The following PCSK5 variants were observed in gnomAD, a reference collection of about 807,000 sequenced individuals.
The protein encoded by PCSK5 is proprotein convertase subtilisin/kexin type 5.
Under a neutral mutation model 233.2 loss-of-function variants are expected in PCSK5, and 129 were observed. The observed-to-expected ratio is 0.55, with a 90% CI of 0.48 to 0.64. The LOEUF is 0.64. Ranked by LOEUF, PCSK5 falls within the 30% of genes least tolerant of loss-of-function variation. The pLI is 0.00. For synonymous variants in PCSK5, 825 were observed against 879.2 expected, an observed-to-expected ratio of 0.94 and a Z score of 1.09; for missense variants, 2,076 against 2,430.1, an observed-to-expected ratio of 0.85 and a Z score of 3.06.
intron 36 of PCSK5, among the ~76,000 whole-genome samples, chr9:76,352,660 G>C (rs948073574): frequency 6.6e-6 from 1 of 151,994 alleles, no homozygotes. Context: ...GAGCCACTGC[G>C]CCCGGCAAGA....
intron 24 of PCSK5, among the ~76,000 whole-genome samples, chr9:76,279,414 T>C (rs1827796606): frequency 6.6e-6 from 1 of 150,996 alleles, no homozygotes; most frequent in African/African-American, 2.5e-5. Context: ...TTATAGTCCT[T>C]TGGGTATATA....
intron 20 of PCSK5, chr9:76,193,384 A>ACTT: frequency 6.5e-7 from 1 of 1,547,086 alleles, no homozygotes; most frequent in Middle Eastern, 1.7e-4. Flanking sequence ...GTTCCTGTAG[A>ACTT]CTTATAGATT....
chr9:76,206,057 A>G (rs1368608595), intron 20 of PCSK5, among the ~76,000 whole-genome samples: 1 of 152,192 alleles, frequency 6.6e-6, no homozygotes, highest in Non-Finnish European at 1.5e-5. Context: ...GTCAGACTTG[A>G]GTGGCCATCA....
At chr9:75,947,664 C>T (rs1480097078) in intron 2 of PCSK5, among the ~76,000 whole-genome samples, 1 of 152,158 alleles carries the variant, frequency 6.6e-6, no homozygotes, top group African/African-American at 2.4e-5. Context: ...ACTTTTCAGA[C>T]TTACTCCTGG....
chr9:76,299,296 T>C (rs972382284), intron 27 of PCSK5, among the ~76,000 whole-genome samples: 2 of 152,206 alleles, frequency 1.3e-5, no homozygotes, highest in Non-Finnish European at 2.9e-5. Context: ...CACAAATGTA[T>C]AGATCATCCC....
At chr9:76,325,134 G>A (rs762451495) in intron 32 of PCSK5, among the ~76,000 whole-genome samples, 1 of 152,138 alleles carries the variant, frequency 6.6e-6, no homozygotes, top group Non-Finnish European at 1.5e-5. Context: ...GGCTGTGTCC[G>A]CATGCAGAAG....
chr9:76,240,443 TAGA>T (rs1826394067), intron 23 of PCSK5, among the ~76,000 whole-genome samples, 170 bp from the exon 24 acceptor site: 1 of 152,230 alleles, frequency 6.6e-6, no homozygotes, highest in Non-Finnish European at 1.5e-5. Context: ...ATTCAATTAA[TAGA>T]AGGAGATTAA....
chr9:76,237,650 C>T (rs998163874), intron 22 of PCSK5, among the ~76,000 whole-genome samples: 1 of 151,738 alleles, frequency 6.6e-6, no homozygotes, highest in Non-Finnish European at 1.5e-5. Context: ...GTGGCACGCA[C>T]CTGTGGTTCT....
intron 5 of PCSK5, among the ~76,000 whole-genome samples, chr9:76,037,963 T>A (rs552424205): frequency 1.3e-5 from 2 of 152,290 alleles, no homozygotes; most frequent in East Asian, 3.9e-4. Flanking sequence ...ACTTCCTATT[T>A]TTAGATATCC....
chr9:75,989,156 C>G (rs569216555), intron 3 of PCSK5, among the ~76,000 whole-genome samples: 24 of 152,134 alleles, frequency 1.6e-4, no homozygotes, highest in Admixed American at 7.9e-4. Context: ...ATCTGGATGC[C>G]CATCCCCATT....
intron 2 of PCSK5, among the ~76,000 whole-genome samples, chr9:75,938,364 A>AT (rs553525192): frequency 6.6e-6 from 1 of 152,232 alleles, no homozygotes; most frequent in Non-Finnish European, 1.5e-5. Flanking sequence ...ACATTTATTG[A>AT]TTAAGTTCAC....
At chr9:76,032,067 A>G (rs1456291493) in intron 5 of PCSK5, among the ~76,000 whole-genome samples, 1 of 151,882 alleles carries the variant, frequency 6.6e-6, no homozygotes, top group African/African-American at 2.4e-5. Flanking sequence ...CTTTAATTCC[A>G]TTTTCCCATC....
At chr9:76,058,677 A>G (rs1258094) in intron 5 of PCSK5, among the ~76,000 whole-genome samples, 37,322 of 152,008 alleles carry the variant, frequency 0.25, 5,448 homozygotes, top group Non-Finnish European at 0.32. Context: ...CTACATGGGG[A>G]AAAAAATTGA....
intron 10 of PCSK5, among the ~76,000 whole-genome samples, chr9:76,149,732 G>T (rs1823585573): frequency 6.6e-6 from 1 of 152,200 alleles, no homozygotes; most frequent in African/African-American, 2.4e-5. Context: ...ATCTGGATAT[G>T]ATGTGGGTTA....
At chr9:76,160,638 C>A (rs753016085) in intron 12 of PCSK5, among the ~76,000 whole-genome samples, 1 of 152,166 alleles carries the variant, frequency 6.6e-6, no homozygotes, top group Non-Finnish European at 1.5e-5. Context: ...AAAGTCTGCA[C>A]GGCCAACAGT....
chr9:76,336,203 G>A (rs1438520675), intron 34 of PCSK5, among the ~76,000 whole-genome samples: 1 of 152,134 alleles, frequency 6.6e-6, no homozygotes, highest in Non-Finnish European at 1.5e-5. Flanking sequence ...GGCCACTGAG[G>A]TTCAAGTGTG....
chr9:76,188,094 T>C (rs1434380055), intron 17 of PCSK5, among the ~76,000 whole-genome samples: 1 of 152,220 alleles, frequency 6.6e-6, no homozygotes, highest in Non-Finnish European at 1.5e-5. Context: ...AGCTGTGGGT[T>C]GGACAGGATG....
At chr9:76,295,786 G>C (rs182574266) in intron 26 of PCSK5, among the ~76,000 whole-genome samples, 1 of 152,176 alleles carries the variant, frequency 6.6e-6, no homozygotes, top group Non-Finnish European at 1.5e-5. Flanking sequence ...CCCATGCACT[G>C]TAAGAATCTA....
chr9:76,005,885 A>G (rs912956358), intron 3 of PCSK5, among the ~76,000 whole-genome samples: 5 of 151,896 alleles, frequency 3.3e-5, no homozygotes, highest in Non-Finnish European at 7.4e-5. Context: ...TTGCTTTGTC[A>G]CTCAGGCTGG....
Sources: allele counts gnomAD v4.1 joint callset (sites outside exome capture counted in the v4.1 genomes callset), GRCh38; gene constraint gnomAD v4.1.1; transcripts MANE v1.5; gene names NCBI Gene and HGNC (gene_info 2026-07-23, HGNC 2026-07-21).